Variants in SLC41A2 observed in about 807,000 individuals in gnomAD.
SLC41A2 encodes the protein SLC41A1-like 1.
SLC41A2 carries 32 observed loss-of-function variants against 58.3 expected under a neutral mutation model. The ratio of observed to expected loss-of-function variants is 0.55; its 90% CI spans 0.41 to 0.74. The LOEUF (loss-of-function observed/expected upper bound fraction) is 0.74. Ranked by LOEUF, SLC41A2 falls within the 30% of genes least tolerant of loss-of-function variation. The pLI, the probability that SLC41A2 is intolerant of heterozygous loss-of-function variation, is 0.00. For missense variants in SLC41A2, 514 were observed against 680.6 expected (o/e 0.76, Z 2.72); for synonymous variants, 190 against 235.0 (o/e 0.81, Z 1.75).
At chr12:104,809,463 ATC>A (rs1213907745) in intron 10 of SLC41A2, among the ~76,000 whole-genome samples, 1 of 152,206 alleles carries the variant, frequency 6.6e-6, no homozygotes, top group Non-Finnish European at 1.5e-5. Flanking sequence ...GCCTTTGGAC[ATC>A]TGTCAGAGAG....
chr12:104,909,422 G>A (rs1239757627), intron 3 of SLC41A2, among the ~76,000 whole-genome samples: 1 of 152,140 alleles, frequency 6.6e-6, no homozygotes, highest in South Asian at 2.1e-4. Context: ...GATGATAAAT[G>A]CCAGAATGTC....
At chr12:104,934,001 C>T (rs1377609095) in intron 1 of SLC41A2, among the ~76,000 whole-genome samples, 1 of 151,886 alleles carries the variant, frequency 6.6e-6, no homozygotes, top group Admixed American at 6.6e-5. Flanking sequence ...GGTGCGCTAT[C>T]CCAGACTTCA....
At chr12:104,859,161 G>A (rs2043118591) in intron 8 of SLC41A2, among the ~76,000 whole-genome samples, 1 of 152,046 alleles carries the variant, frequency 6.6e-6, no homozygotes, top group Non-Finnish European at 1.5e-5. Context: ...GAATGATAAT[G>A]AAAAAATTGC....
At chr12:104,909,820 CAA>C (rs2046002396) in intron 2 of SLC41A2, 58 bp from the exon 3 acceptor site, 2 of 1,170,708 alleles carry the variant, frequency 1.7e-6, no homozygotes, top group African/African-American at 3.2e-5. Flanking sequence ...TACTTTAGAA[CAA>C]AGACATTTCT....
intron 1 of SLC41A2, among the ~76,000 whole-genome samples, chr12:104,946,012 T>C (rs2047704749): frequency 6.6e-6 from 1 of 152,150 alleles, no homozygotes; most frequent in Non-Finnish European, 1.5e-5. Flanking sequence ...AAAGGTATGA[T>C]TTTCCCCCAT....
At chr12:104,935,167 C>T (rs181197285) in intron 1 of SLC41A2, among the ~76,000 whole-genome samples, 1 of 152,194 alleles carries the variant, frequency 6.6e-6, no homozygotes, top group African/African-American at 2.4e-5. Context: ...CCATGTTAGC[C>T]AGGCTGGTCT....
intron 8 of SLC41A2, among the ~76,000 whole-genome samples, chr12:104,848,617 T>A (rs1565838016): frequency 6.6e-6 from 1 of 152,012 alleles, no homozygotes; most frequent in Non-Finnish European, 1.5e-5. Context: ...AAAAGGATAA[T>A]ATAGGAATAT....
rs1490398030 is a variant in SLC41A2, at chr12:104,874,071, TTG to T, written c.1028-7494_1028-7493del. Reference sequence around the variant, plus strand: ...TTATTTTTACTTTTGTTGCCTGAGTTTGTTTTTTTTTTTTTTTTTTGAGACAG... The same window carrying T: ...TTATTTTTACTTTTGTTGCCTGAGTTTTTTTTTTTTTTTTTTTTGAGACAG... On this transcript the variant is annotated intron_variant, in intron 6 of 10. Transcript: ENST00000258538. 2.1e-4 allele frequency among the ~76,000 whole-genome samples: 31 copies of T among 147,910 alleles called. 1 individual carries two copies. Among genetic ancestry groups the T allele is most frequent in the Admixed American group, 1.1e-3 (17 of 15,044 alleles).
At chr12:104,908,877 T>TA (rs1318193860) in intron 3 of SLC41A2, among the ~76,000 whole-genome samples, 1 of 152,070 alleles carries the variant, frequency 6.6e-6, no homozygotes, top group Non-Finnish European at 1.5e-5. Context: ...GAACAGGCCC[T>TA]AAAAAAATAA....
Position 104,939,956 on chromosome 12 carries a change from A to G in SLC41A2, c.-167-11262T>C, listed in dbSNP as rs1405856520. On this transcript the variant is annotated intron_variant, in intron 1 of 10. Transcript: ENST00000258538. ...CTTACTTTTGCCACTCTGCAAGGGT[A>G]CCTTGTTCTTTTAATTTTTTCTTAA... 3.3e-5 allele frequency among the ~76,000 whole-genome samples: 5 copies of G among 152,108 alleles called. No individual in the cohort carries two copies. In the East Asian group the frequency reaches 9.7e-4, roughly 29 times the overall value.
chr12:104,923,959 T>C (rs1223260400), intron 2 of SLC41A2, among the ~76,000 whole-genome samples: 1 of 149,134 alleles, frequency 6.7e-6, no homozygotes, highest in Non-Finnish European at 1.5e-5. Flanking sequence ...ACACAAACTA[T>C]GAAAAAGCAG....
chr12:104,909,875 A>T (rs2046004399), intron 2 of SLC41A2, 113 bp from the exon 3 acceptor site: 1 of 644,520 alleles, frequency 1.6e-6, no homozygotes, highest in Non-Finnish European at 2.6e-6. Flanking sequence ...TACATTTTGA[A>T]TAACCACACA....
At chr12:104,949,595 T>C (rs1307560476) in intron 1 of SLC41A2, among the ~76,000 whole-genome samples, 1 of 152,174 alleles carries the variant, frequency 6.6e-6, no homozygotes, top group Non-Finnish European at 1.5e-5. Context: ...AAACTTTTTC[T>C]TTTTTTAGAC....
At chr12:104,865,869 T>C (rs1371167262) in intron 7 of SLC41A2, among the ~76,000 whole-genome samples, 1 of 152,204 alleles carries the variant, frequency 6.6e-6, no homozygotes, top group Admixed American at 6.5e-5. Context: ...TAATAATTTA[T>C]CTGATCAATA....
rs980210059 is a variant in SLC41A2 at position 104,804,534 on chromosome 12, T to TGACA, written c.*614_*617dup. ...ATCACTCAATGTTTAAAGATTAGCC[T>TGACA]GACAAGAACTTGCAGAGCTGAAATT... On this transcript the variant is annotated 3_prime_UTR_variant, in exon 11 of 11. Coordinates refer to ENST00000258538, the MANE Select transcript of SLC41A2 (RefSeq NM_001352171.3). The TGACA allele has an allele frequency of 1.3e-5, 2 of 152,214 alleles. No individual in the cohort carries two copies. Among genetic ancestry groups the TGACA allele is most frequent in the Non-Finnish European group, 2.9e-5 (2 of 68,048 alleles). 9.4% of individuals were successfully genotyped at this position (152,214 alleles called of 1,614,324 possible). A position where few individuals can be genotyped will look rare whatever the true frequency, so the allele number is the denominator to read the frequency against.
chr12:104,948,307 A>G (rs17036549), intron 1 of SLC41A2, among the ~76,000 whole-genome samples: 5,807 of 152,272 alleles, frequency 0.038, 147 homozygotes, highest in East Asian at 0.1. Flanking sequence ...TACCAGGAAT[A>G]TGAATAGCTT....
At position 104,819,298 on chromosome 12, in the gene SLC41A2, C is replaced by T. The variant is rs546584387; in HGVS notation, c.1537-13961G>A. ...CATGTGTCAAAGGGAAATCATAATG[C>T]AAATTATTAAATATGTAGAGCTAAT... On this transcript the variant is annotated intron_variant, in intron 10 of 10. Coordinates refer to ENST00000258538, the MANE Select transcript of SLC41A2 (RefSeq NM_001352171.3). 2.6e-5 allele frequency among the ~76,000 whole-genome samples: 4 copies of T among 152,118 alleles called. No homozygotes were observed. In the South Asian group the frequency reaches 8.3e-4, roughly 32 times the overall value.
chr12:104,884,924 C>A (rs553873528), intron 6 of SLC41A2, among the ~76,000 whole-genome samples: 147 of 152,292 alleles, frequency 9.7e-4, no homozygotes, highest in Non-Finnish European at 1.3e-3. Context: ...ATATTTTAAT[C>A]CCTGACTTCA....
At chr12:104,950,926 T>C (rs980008981) in intron 1 of SLC41A2, among the ~76,000 whole-genome samples, 5 of 152,176 alleles carry the variant, frequency 3.3e-5, no homozygotes, top group Non-Finnish European at 7.3e-5. Context: ...TATGCCTAGA[T>C]TGAGGTGGCT....
Sources: gnomAD v4.1 joint callset for allele counts (sites outside exome capture counted in the v4.1 genomes callset) on GRCh38, gnomAD v4.1.1 for gene constraint, MANE v1.5 for transcripts, NCBI Gene and HGNC (gene_info 2026-07-23, HGNC 2026-07-21) for gene names.